Variants in LRBA observed in about 807,000 individuals in gnomAD.
LRBA encodes lipopolysaccharide-responsive and beige-like anchor protein.
LRBA carries 176 observed loss-of-function variants against 330.0 expected under a neutral mutation model. That is an observed-to-expected ratio of 0.53 (90% CI 0.47 to 0.60). LRBA has a LOEUF of 0.60. Ranked by LOEUF, LRBA falls within the 20% of genes least tolerant of loss-of-function variation. LRBA has a pLI of 0.00. For synonymous variants in LRBA, 1,230 were observed against 1,193.0 expected, an observed-to-expected ratio of 1.03 and a Z score of -0.64; for missense variants, 3,259 against 3,444.8, an observed-to-expected ratio of 0.95 and a Z score of 1.35.
chr4:150,491,581 A>G (rs933265427), intron 40 of LRBA, among the ~76,000 whole-genome samples: 4 of 152,120 alleles, frequency 2.6e-5, no homozygotes, highest in Admixed American at 6.6e-5. Context: ...CACTGACTAT[A>G]TAAGAGGTTA....
intron 37 of LRBA, among the ~76,000 whole-genome samples, chr4:150,681,649 T>C (rs1372360312): frequency 6.6e-6 from 1 of 152,186 alleles, no homozygotes; most frequent in African/African-American, 2.4e-5. Context: ...ATCATGTCCA[T>C]TTTGTGATGG....
chr4:150,436,915 C>A (rs776384465), intron 44 of LRBA, 51 bp from the exon 45 acceptor site: 2 of 1,526,658 alleles, frequency 1.3e-6, no homozygotes, highest in Admixed American at 3.4e-5. Context: ...AATCATCCTT[C>A]ATGTCTTCCT....
Position 150,828,458 on chromosome 4 carries a change from A to G in LRBA, c.4893T>C (p.Ser1631=), listed in dbSNP as rs1746610453. 3.1e-6 allele frequency: 5 copies of G among 1,614,116 alleles called. No individual in the cohort carries two copies. Among genetic ancestry groups the G allele is most frequent in the Non-Finnish European group, 2.5e-6 (3 of 1,179,990 alleles). The change falls in exon 30 of 57, where the codon AGT becomes AGC. Residue 1631 remains serine, a synonymous_variant. Transcript: ENST00000651943. ...VTPHTAPPGV[S]AGPDAISEVL... The stretch of plus-strand genomic sequence containing the variant: ...CCTCGCTGATTGCATCTGGGCCTGC[A>G]CTGACACCAGGAGGTGCTGTGTGAG...
At chr4:150,740,642 G>GT (rs1241939902) in intron 35 of LRBA, among the ~76,000 whole-genome samples, 2 of 41,834 alleles carry the variant, frequency 4.8e-5, no homozygotes, top group East Asian at 3.8e-4. Context: ...AGAAAGAATG[G>GT]TAAAAAAAAA....
chr4:150,322,775 A>G (rs1406672381), intron 49 of LRBA, among the ~76,000 whole-genome samples: 1 of 152,198 alleles, frequency 6.6e-6, no homozygotes, highest in Non-Finnish European at 1.5e-5. Context: ...CTGGATGCTC[A>G]TTCAATTAAA....
intron 37 of LRBA, among the ~76,000 whole-genome samples, chr4:150,641,283 T>G (rs959287831): frequency 6.6e-6 from 1 of 152,188 alleles, no homozygotes; most frequent in Non-Finnish European, 1.5e-5. Context: ...CCTAACAATT[T>G]TTATCATTGG....
At position 150,501,240 on chromosome 4, in the gene LRBA, C is replaced by CGACT. The variant is rs1760214842; in HGVS notation, c.6331-10206_6331-10205insAGTC. Among the ~76,000 whole-genome samples the CGACT allele has an allele frequency of 1.3e-5, 2 of 152,138 alleles. 1 individual carries two copies. The highest frequency in any genetic ancestry group is 4.1e-4 in the South Asian group (2 of 4,822). On this transcript the variant is annotated intron_variant, in intron 40 of 56. Coordinates refer to ENST00000651943, the MANE Select transcript of LRBA (RefSeq NM_001364905.1). Reference sequence around the variant, plus strand: ...ATGACACTACATCACTAGTCTTAGTCATCTTTCTATTCACAGTATCTAGCA... The same window carrying CGACT: ...ATGACACTACATCACTAGTCTTAGTCGACTATCTTTCTATTCACAGTATCTAGCA...
At chr4:150,664,290 T>C (rs998998173) in intron 37 of LRBA, among the ~76,000 whole-genome samples, 2 of 152,204 alleles carry the variant, frequency 1.3e-5, no homozygotes, top group African/African-American at 4.8e-5. Flanking sequence ...ATATAGATCA[T>C]ATAAACAATG....
chr4:150,266,951 G>A (rs2126686063), intron 56 of LRBA, among the ~76,000 whole-genome samples: 1 of 152,216 alleles, frequency 6.6e-6, no homozygotes, highest in African/African-American at 2.4e-5. Flanking sequence ...GTCAAAAACT[G>A]TTACAAGAGA....
chr4:150,812,392 T>C (rs1436632122), intron 31 of LRBA, among the ~76,000 whole-genome samples: 1 of 152,192 alleles, frequency 6.6e-6, no homozygotes. Context: ...CTAGCATCTA[T>C]CTGGGGAGTA....
chr4:150,605,186 C>T (rs1774505457), intron 37 of LRBA, among the ~76,000 whole-genome samples: 1 of 152,024 alleles, frequency 6.6e-6, no homozygotes, highest in South Asian at 2.1e-4. Flanking sequence ...TGTAAGTATC[C>T]CAGTTATTCT....
At chr4:150,947,547 A>T (rs1434518342) in intron 2 of LRBA, among the ~76,000 whole-genome samples, 1 of 152,062 alleles carries the variant, frequency 6.6e-6, no homozygotes, top group Non-Finnish European at 1.5e-5. Context: ...GATAAGCAAC[A>T]TTTACATAAA....
intron 28 of LRBA, among the ~76,000 whole-genome samples, chr4:150,835,846 A>G (rs955317931): frequency 3.3e-5 from 5 of 152,132 alleles, no homozygotes; most frequent in South Asian, 2.1e-4. Flanking sequence ...ATGTTGAATA[A>G]GAGTGGTGAG....
chr4:150,836,014 C>T (rs564539207), intron 28 of LRBA, among the ~76,000 whole-genome samples: 56 of 152,174 alleles, frequency 3.7e-4, no homozygotes, highest in Non-Finnish European at 7.2e-4. Context: ...GCATGAAGCG[C>T]TGTTGAATTT....
intron 51 of LRBA, among the ~76,000 whole-genome samples, chr4:150,311,819 G>T (rs1349242658): frequency 6.6e-6 from 1 of 152,136 alleles, no homozygotes; most frequent in African/African-American, 2.4e-5. Context: ...GATAATAAAA[G>T]CTTTTGTGGA....
intron 40 of LRBA, among the ~76,000 whole-genome samples, chr4:150,550,822 T>G (rs923837061): frequency 1.3e-5 from 2 of 152,222 alleles, no homozygotes; most frequent in African/African-American, 4.8e-5. Context: ...CGGAAAATAG[T>G]TCTTTAACTA....
At chr4:150,838,957 C>A (rs1347446509) in intron 28 of LRBA, among the ~76,000 whole-genome samples, 7 of 152,146 alleles carry the variant, frequency 4.6e-5, no homozygotes, top group Admixed American at 4.6e-4. Flanking sequence ...AACAGGCAAC[C>A]TACAGAATGG....
intron 36 of LRBA, among the ~76,000 whole-genome samples, chr4:150,691,466 A>G (rs1784131829): frequency 6.6e-6 from 1 of 152,228 alleles, no homozygotes; most frequent in East Asian, 1.9e-4. Flanking sequence ...CTTAGTCAGT[A>G]GAGAAATACA....
chr4:150,268,328 C>CTGA (rs1363168856), intron 56 of LRBA, among the ~76,000 whole-genome samples: 3 of 152,312 alleles, frequency 2.0e-5, no homozygotes, highest in Non-Finnish European at 4.4e-5. Flanking sequence ...GATGGCTTCA[C>CTGA]TGATGAATTC....
Sources: allele counts gnomAD v4.1 joint callset (sites outside exome capture counted in the v4.1 genomes callset), GRCh38; gene constraint gnomAD v4.1.1; transcripts MANE v1.5; gene names NCBI Gene and HGNC (gene_info 2026-07-23, HGNC 2026-07-21).